RAD17: variants seen among roughly 807,000 people sequenced by gnomAD.
The protein encoded by RAD17 is cell cycle checkpoint protein RAD17.
RAD17 carries 31 observed loss-of-function variants against 81.5 expected under a neutral mutation model. The ratio of observed to expected loss-of-function variants is 0.38; its 90% confidence interval spans 0.29 to 0.51. RAD17 has a LOEUF of 0.51. RAD17 is among the 20% of genes least tolerant of loss of function. RAD17 has a pLI of 0.88. For synonymous variants in RAD17, 261 were observed against 266.2 expected, an observed-to-expected ratio of 0.98 and a Z score of 0.19; for missense variants, 681 against 781.2, an observed-to-expected ratio of 0.87 and a Z score of 1.53.
chr5:69,385,145 A>G (rs867662953), intron 8 of RAD17, among the ~76,000 whole-genome samples: 4 of 151,644 alleles, frequency 2.6e-5, no homozygotes, highest in South Asian at 4.2e-4. Context: ...ATTTTTTAGT[A>G]GAGACGGGGT....
chr5:69,399,987 C>G, intron 16 of RAD17, 62 bp from the exon 17 acceptor site: 3 of 1,132,648 alleles, frequency 2.6e-6, no homozygotes, highest in Non-Finnish European at 3.6e-6. Context: ...CTTAGTTTGT[C>G]TAGGAATACA....
chr5:69,382,537 C>T (rs1328306965), intron 7 of RAD17, among the ~76,000 whole-genome samples: 3 of 152,196 alleles, frequency 2.0e-5, no homozygotes, highest in Non-Finnish European at 4.4e-5. Context: ...TAAGTCTTAA[C>T]TGTTTTGTTA....
intron 14 of RAD17, 26 bp downstream of exon 14, chr5:69,393,266 T>C (rs2150836047): frequency 6.3e-7 from 1 of 1,576,862 alleles, no homozygotes; most frequent in African/African-American, 1.4e-5. Context: ...ACACTTAGTA[T>C]AGGTTACAAA....
upstream of RAD17, chr5:69,369,477 T>A (rs1425091130): frequency 6.2e-7 from 1 of 1,611,064 alleles, no homozygotes; most frequent in South Asian, 1.1e-5. Context: ...GAGCAGGATG[T>A]TCGGAAGCAA....
At chr5:69,407,853 ATGTCCAAG>A (rs1561276413) in intron 17 of RAD17, among the ~76,000 whole-genome samples, 1 of 152,124 alleles carries the variant, frequency 6.6e-6, no homozygotes, top group East Asian at 1.9e-4. Context: ...CGCCTGGCCT[ATGTCCAAG>A]TTTGATGATA....
chr5:69,414,436 A>G lies in RAD17; in HGVS notation c.*144A>G. The G allele has an allele frequency of 4.3e-6, 4 of 929,858 alleles. No homozygotes were observed. The highest frequency in any genetic ancestry group is 6.3e-6 in the Non-Finnish European group (4 of 632,334). 57.6% of individuals were successfully genotyped at this position (929,858 alleles called of 1,614,324 possible). ...TTCTTGTAGTATTTCATCACAAGAA[A>G]CCTACTCTTCTGTCATCTTGAAGTA... is the stretch of plus-strand genomic sequence containing the variant. On this transcript the variant is annotated 3_prime_UTR_variant, in exon 19 of 19. Transcript: ENST00000354868.
At chr5:69,400,272 C>T (rs1013571026) in intron 17 of RAD17, 103 bp downstream of exon 17, 14 of 796,976 alleles carry the variant, frequency 1.8e-5, no homozygotes, top group Non-Finnish European at 2.3e-5. Flanking sequence ...GGCTGGATTG[C>T]GGTGGCACGA....
chr5:69,401,521 G>T (rs987542128), intron 17 of RAD17, among the ~76,000 whole-genome samples: 4 of 152,046 alleles, frequency 2.6e-5, no homozygotes, highest in Non-Finnish European at 5.9e-5. Flanking sequence ...TTTCTGTTAC[G>T]AAATTATAAT....
chr5:69,398,517 T>C (rs922672534), intron 16 of RAD17, among the ~76,000 whole-genome samples: 20 of 152,002 alleles, frequency 1.3e-4, no homozygotes, highest in Non-Finnish European at 2.5e-4. Flanking sequence ...AAGTCAGATA[T>C]GAATTTCGGC....
In RAD17 at chr5:69,391,950, A is replaced by G. The variant is rs768109777; in HGVS notation, c.1126A>G (p.Ile376Val). Reference protein sequence around the residue: ...RVFENQEVQAIGGKDVSLFLF... With the variant: ...RVFENQEVQAVGGKDVSLFLF... ...TTTTGAAAATCAAGAGGTCCAAGCT[A>G]TTGGTGGCAAAGATGTTTCTCTGTT... Residue 376 changes from isoleucine (I) to valine (V), a missense_variant, in exon 13 of 19, where the codon ATT becomes GTT. Coordinates refer to ENST00000354868, the MANE Select transcript of RAD17 (RefSeq NM_133338.3). 2 of 1,585,268 alleles carry G rather than the reference A, an allele frequency of 1.3e-6. No individual in the cohort carries two copies. The highest frequency in any genetic ancestry group is 1.9e-5 in the Admixed American group (1 of 51,858).
At position 69,384,781 on chromosome 5, in the gene RAD17, A is replaced by G; in HGVS notation, c.509-16A>G. 6.3e-7 allele frequency: 1 copy of G among 1,593,250 alleles called. No individual in the cohort carries two copies. ...TCATTTGTTGAAAATAAAAGTGGTTATGTGTTTCCTTTCAGAATCAAGCTT... is the reference window on the plus strand; with the variant it reads ...TCATTTGTTGAAAATAAAAGTGGTTGTGTGTTTCCTTTCAGAATCAAGCTT... On this transcript the variant is annotated splice_polypyrimidine_tract_variant and intron_variant, in intron 7 of 18. Coordinates refer to ENST00000354868, the MANE Select transcript of RAD17 (RefSeq NM_133338.3).
chr5:69,373,036 T>G (rs990525094), intron 4 of RAD17, among the ~76,000 whole-genome samples: 1 of 152,226 alleles, frequency 6.6e-6, no homozygotes, highest in African/African-American at 2.4e-5. Flanking sequence ...GTTATGATCT[T>G]TGGCCTATAT....
chr5:69,394,399 C>T (rs1580407304), intron 15 of RAD17, among the ~76,000 whole-genome samples: 1 of 151,956 alleles, frequency 6.6e-6, no homozygotes, highest in Non-Finnish European at 1.5e-5. Context: ...AATACATACT[C>T]AAAATATGAC....
upstream of RAD17, chr5:69,369,572 C>T (rs1762776513): frequency 6.2e-7 from 1 of 1,606,064 alleles, no homozygotes; most frequent in African/African-American, 1.3e-5. Context: ...CGGGCGGCAG[C>T]AAAAGCCCAC....
At chr5:69,373,213 ATATT>A (rs1763113346) in intron 4 of RAD17, among the ~76,000 whole-genome samples, 1 of 152,134 alleles carries the variant, frequency 6.6e-6, no homozygotes, top group African/African-American at 2.4e-5. Flanking sequence ...GGTAATTTTA[ATATT>A]TATGTTTCAA....
chr5:69,380,008 G>A (rs766175350), intron 6 of RAD17, among the ~76,000 whole-genome samples: 4 of 151,874 alleles, frequency 2.6e-5, no homozygotes, highest in Non-Finnish European at 4.4e-5. Context: ...AGCCTCCTGA[G>A]TAGCTGGGAT....
intron 16 of RAD17, among the ~76,000 whole-genome samples, chr5:69,399,137 C>T (rs947722064): frequency 1.3e-5 from 2 of 152,110 alleles, no homozygotes; most frequent in African/African-American, 4.8e-5. Context: ...CCTACCTAGT[C>T]CCAGCTACTT....
chr5:69,373,837 A>G lies in RAD17; in HGVS notation c.17A>G (p.Asp6Gly), dbSNP rs1384295657. The stretch of plus-strand genomic sequence containing the variant: ...GATTTCTTTTTTTTTCAGGTAACAG[A>G]CTGGGTTGACCCATCATTTGATGAT... Reference protein sequence around the residue: MNQVTDWVDPSFDDFL... With the variant: MNQVTGWVDPSFDDFL... Residue 6 changes from aspartate to glycine, a missense_variant, in exon 5 of 19, where the codon GAC (aspartate) becomes GGC (glycine). Transcript: ENST00000354868. 1.9e-6 allele frequency: 3 copies of G among 1,602,022 alleles called. No individual in the cohort carries two copies. Among genetic ancestry groups the G allele is most frequent in the Non-Finnish European group, 2.6e-6 (3 of 1,175,232 alleles).
chr5:69,378,513 C>G (rs1280085867), intron 6 of RAD17, among the ~76,000 whole-genome samples: 1 of 152,160 alleles, frequency 6.6e-6, no homozygotes, highest in Non-Finnish European at 1.5e-5. Context: ...AAGAAGTGAT[C>G]TGTCTGGTAT....
Sources: gnomAD v4.1 joint callset for allele counts (sites outside exome capture counted in the v4.1 genomes callset) on GRCh38, gnomAD v4.1.1 for gene constraint, MANE v1.5 for transcripts, NCBI Gene and HGNC (gene_info 2026-07-23, HGNC 2026-07-21) for gene names.